ARID5B: variants seen among roughly 807,000 people sequenced by gnomAD.
ARID5B encodes AT-rich interaction domain 5B.
Under a neutral mutation model 97.2 loss-of-function variants are expected in ARID5B, and 13 were observed. The ratio of observed to expected loss-of-function variants is 0.13; its 90% confidence interval spans 0.09 to 0.21. The LOEUF (loss-of-function observed/expected upper bound fraction) is 0.21. Ranked by LOEUF, ARID5B falls within the 10% of genes least tolerant of loss-of-function variation. The probability of loss-of-function intolerance (pLI) is 1.00; values close to 1 mark genes in which losing one functional copy is unlikely to be tolerated. For synonymous variants in ARID5B, 556 were observed against 570.3 expected, an observed-to-expected ratio of 0.97 and a Z score of 0.36; for missense variants, 1,210 against 1,465.3, an observed-to-expected ratio of 0.83 and a Z score of 2.84.
chr10:61,991,535 C>T lies in ARID5B; in HGVS notation c.503-8556C>T, dbSNP rs115982187. On this transcript the variant is annotated intron_variant, in intron 3 of 9. Coordinates refer to ENST00000279873, the MANE Select transcript of ARID5B (RefSeq NM_032199.3). Reference sequence around the variant, plus strand: ...TTTAAATTGGTTTGTCTTTTTGTTACTGAGTTGCAGGAGTTCTTTATGTAT... The same window carrying T: ...TTTAAATTGGTTTGTCTTTTTGTTATTGAGTTGCAGGAGTTCTTTATGTAT... Among the ~76,000 whole-genome samples the T allele has an allele frequency of 3.2e-3, 485 of 152,240 alleles. 1 individual carries two copies. The highest frequency in any genetic ancestry group is 0.011 in the African/African-American group (470 of 41,548).
intron 2 of ARID5B, among the ~76,000 whole-genome samples, chr10:61,903,611 G>C (rs1843657608): frequency 6.6e-6 from 1 of 152,224 alleles, no homozygotes; most frequent in Non-Finnish European, 1.5e-5. Context: ...GCTGTGCCAG[G>C]CTCTCGAGCT....
chr10:62,036,736 A>G (rs2393738), intron 4 of ARID5B, among the ~76,000 whole-genome samples: 146,466 of 152,240 alleles, frequency 0.96, 70,724 homozygotes, highest in East Asian at 1. Flanking sequence ...CCATTGAAAA[A>G]CCATCTGCTG....
At chr10:62,087,298 CAAAAAAAAA>C (rs71299289) in intron 9 of ARID5B, among the ~76,000 whole-genome samples, 1 of 40,934 alleles carries the variant, frequency 2.4e-5, no homozygotes, top group African/African-American at 1.1e-4. Flanking sequence ...GACTCTATCT[CAAAAAAAAA>C]AAAAAAAAAA....
intron 4 of ARID5B, among the ~76,000 whole-genome samples, chr10:62,046,377 T>A (rs1003980349): frequency 4.6e-5 from 7 of 152,246 alleles, no homozygotes; most frequent in African/African-American, 1.7e-4. Context: ...GCCATGTAAC[T>A]TGTGTGAACC....
intron 2 of ARID5B, among the ~76,000 whole-genome samples, chr10:61,928,111 T>A (rs1007111239): frequency 6.6e-6 from 1 of 152,144 alleles, no homozygotes; most frequent in African/African-American, 2.4e-5. Context: ...GAAGAGTCAT[T>A]GTGTTTGGTA....
intron 6 of ARID5B, among the ~76,000 whole-genome samples, chr10:62,058,793 G>T (rs1369985052): frequency 1.3e-5 from 2 of 152,170 alleles, no homozygotes; most frequent in Admixed American, 1.3e-4. Context: ...CTATTAAGAA[G>T]GTAATCGTAT....
intron 4 of ARID5B, among the ~76,000 whole-genome samples, chr10:62,001,915 A>AT (rs1289745173): frequency 7.2e-5 from 11 of 152,186 alleles, no homozygotes; most frequent in Non-Finnish European, 1.5e-4. Flanking sequence ...TATGCAATAC[A>AT]TTTTTTTACA....
At chr10:62,079,291 C>T (rs1269543719) in intron 8 of ARID5B, among the ~76,000 whole-genome samples, 3 of 152,128 alleles carry the variant, frequency 2.0e-5, no homozygotes, top group African/African-American at 7.2e-5. Flanking sequence ...AAAATTTTGA[C>T]ACTAAATAGC....
chr10:61,969,636 T>C (rs990461570), intron 3 of ARID5B, among the ~76,000 whole-genome samples: 4 of 152,156 alleles, frequency 2.6e-5, no homozygotes, highest in African/African-American at 7.2e-5. Flanking sequence ...CATTCTCTTA[T>C]ACCTGTGCCG....
Position 62,053,334 on chromosome 10 carries a change from G to A in ARID5B, c.846+2334G>A, listed in dbSNP as rs10995018. ...AAGCTCTTAGAGTGGGACCCACTGG[G>A]TTTGTTGTGTTCATGACTGGAAAAA... is the stretch of plus-strand genomic sequence containing the variant. On this transcript the variant is annotated intron_variant, in intron 5 of 9. Coordinates refer to ENST00000279873, the MANE Select transcript of ARID5B (RefSeq NM_032199.3). 2.8e-4 allele frequency among the ~76,000 whole-genome samples: 43 copies of A among 152,328 alleles called. No homozygotes were observed. The East Asian group carries it at 7.1e-3, about 25-fold the overall frequency.
chr10:62,085,322 A>G, intron 8 of ARID5B, among the ~76,000 whole-genome samples: 1 of 152,238 alleles, frequency 6.6e-6, no homozygotes, highest in East Asian at 1.9e-4. Context: ...CACTGCCTAT[A>G]GTATGTGCTC....
chr10:61,991,947 G>T (rs1276872034), intron 3 of ARID5B, among the ~76,000 whole-genome samples: 1 of 152,004 alleles, frequency 6.6e-6, no homozygotes, highest in Non-Finnish European at 1.5e-5. Flanking sequence ...TAGGAGAATC[G>T]CTTGAACCCA....
At chr10:62,090,763 G>T in intron 9 of ARID5B, 99 bp from the exon 10 acceptor site, 1 of 1,437,404 alleles carries the variant, frequency 7.0e-7, no homozygotes, top group Non-Finnish European at 9.2e-7. Flanking sequence ...TGACAAGCCT[G>T]TTTTCAAGTA....
At chr10:61,979,012 C>T (rs1341114386) in intron 3 of ARID5B, among the ~76,000 whole-genome samples, 1 of 152,126 alleles carries the variant, frequency 6.6e-6, no homozygotes, top group Non-Finnish European at 1.5e-5. Context: ...ATAAATATCT[C>T]TTATTATTTT....
chr10:62,025,981 C>T (rs1839416020), intron 4 of ARID5B, among the ~76,000 whole-genome samples: 1 of 152,202 alleles, frequency 6.6e-6, no homozygotes. Context: ...CTGGCACATG[C>T]CTTGGGATGG....
At chr10:61,919,980 A>G (rs540282054) in intron 2 of ARID5B, among the ~76,000 whole-genome samples, 1 of 152,086 alleles carries the variant, frequency 6.6e-6, no homozygotes, top group Non-Finnish European at 1.5e-5. Flanking sequence ...TGATATTACT[A>G]GATCAGTAAT....
At position 62,095,485 on chromosome 10, in the gene ARID5B, C is replaced by T. The variant is rs530426785; in HGVS notation, c.*2455C>T. The T allele has an allele frequency of 3.0e-4, 69 of 233,512 alleles. No individual in the cohort carries two copies. The highest frequency in any genetic ancestry group is 1.4e-3 in the African/African-American group (63 of 45,438). 14.5% of individuals were successfully genotyped at this position (233,512 alleles called of 1,614,324 possible). A position where few individuals can be genotyped will look rare whatever the true frequency, so the allele number is the denominator to read the frequency against. ...AGTCTGGTTTCATCATGTTGGAATTCGATCACACCATTTTCAAACAATGTT... is the reference window on the plus strand; with the variant it reads ...AGTCTGGTTTCATCATGTTGGAATTTGATCACACCATTTTCAAACAATGTT... On this transcript the variant is annotated 3_prime_UTR_variant, in exon 10 of 10. Coordinates refer to ENST00000279873, the MANE Select transcript of ARID5B (RefSeq NM_032199.3).
rs371766279 is a variant in ARID5B, at chr10:61,964,160, C to T, written c.502+23752C>T. ...TAAATGGACACAAACCTCAGGGCCA[C>T]GATAGCAGCCAGGGACCTCTTGTGT... is the stretch of plus-strand genomic sequence containing the variant. On this transcript the variant is annotated intron_variant, in intron 3 of 9. Transcript: ENST00000279873. 7.2e-5 allele frequency among the ~76,000 whole-genome samples: 11 copies of T among 152,188 alleles called. 1 individual carries two copies. The East Asian group carries it at 1.5e-3, about 21-fold the overall frequency.
intron 4 of ARID5B, among the ~76,000 whole-genome samples, chr10:62,023,940 G>A (rs566403072): frequency 1.6e-4 from 24 of 152,292 alleles, no homozygotes; most frequent in African/African-American, 4.8e-4. Context: ...CTTGGATACC[G>A]ATAGGCTTCT....
Sources: gnomAD v4.1 joint callset for allele counts (sites outside exome capture counted in the v4.1 genomes callset) on GRCh38, gnomAD v4.1.1 for gene constraint, MANE v1.5 for transcripts, NCBI Gene and HGNC (gene_info 2026-07-23, HGNC 2026-07-21) for gene names.